The following ANKHD1 variants were observed in gnomAD, a reference collection of about 807,000 sequenced individuals.
ANKHD1 encodes the protein ankyrin repeat and KH domain-containing protein 1.
ANKHD1 carries 31 observed loss-of-function variants against 230.5 expected under a neutral mutation model. The observed-to-expected ratio is 0.13, with a 90% CI of 0.10 to 0.18. ANKHD1 has a LOEUF of 0.18. Ranked by LOEUF, ANKHD1 falls within the 10% of genes least tolerant of loss-of-function variation. The pLI is 1.00. For missense variants in ANKHD1, 2,256 were observed against 3,071.3 expected (o/e 0.73, Z 6.27); for synonymous variants, 1,074 against 1,117.6 (o/e 0.96, Z 0.78).
chr5:140,513,522 G>T (rs941938472), intron 24 of ANKHD1, 43 bp downstream of exon 24: 4 of 1,592,040 alleles, frequency 2.5e-6, no homozygotes, highest in Non-Finnish European at 1.7e-6. Context: ...ATTATTGAGG[G>T]TGGGGGCCGG....
chr5:140,427,226 C>A (rs1369510552), intron 1 of ANKHD1, among the ~76,000 whole-genome samples: 1 of 145,780 alleles, frequency 6.9e-6, no homozygotes, highest in Admixed American at 6.7e-5. Context: ...GGCGGCCGGG[C>A]AGAGGTGCCC....
chr5:140,490,722 G>A (rs1308394006), intron 14 of ANKHD1, among the ~76,000 whole-genome samples: 2 of 152,160 alleles, frequency 1.3e-5, no homozygotes, highest in Non-Finnish European at 2.9e-5. Flanking sequence ...CTGCTGCAAA[G>A]CATTTAAAAT....
intron 15 of ANKHD1, 130 bp downstream of exon 15, chr5:140,497,408 A>G: frequency 7.0e-7 from 1 of 1,419,754 alleles, no homozygotes; most frequent in Non-Finnish European, 9.2e-7. Context: ...CATTTCTCGA[A>G]GTATTTTGGA....
intron 22 of ANKHD1, among the ~76,000 whole-genome samples, chr5:140,512,209 C>T (rs1438350804): frequency 6.7e-5 from 10 of 148,338 alleles, no homozygotes; most frequent in Non-Finnish European, 8.9e-5. Flanking sequence ...GCACTCCAGC[C>T]GGGGCAACAA....
intron 10 of ANKHD1, among the ~76,000 whole-genome samples, chr5:140,481,696 G>T (rs535251298): frequency 6.6e-6 from 1 of 151,958 alleles, no homozygotes; most frequent in Admixed American, 6.6e-5. Flanking sequence ...TTAATTAGAA[G>T]AATATAGCTG....
intron 14 of ANKHD1, among the ~76,000 whole-genome samples, chr5:140,490,420 A>C (rs1479334459): frequency 1.1e-4 from 17 of 152,194 alleles, no homozygotes; most frequent in Non-Finnish European, 1.5e-5. Flanking sequence ...GGCTCCGTCC[A>C]TCTTGATTCA....
intron 7 of ANKHD1, among the ~76,000 whole-genome samples, chr5:140,458,362 T>C (rs1027427127): frequency 2.0e-5 from 3 of 152,186 alleles, no homozygotes; most frequent in African/African-American, 7.2e-5. Context: ...GTGACTGTTA[T>C]GTCACCAAGT....
In ANKHD1 at chr5:140,496,481, TTAGCATGGCACTCTTTCAAACA is replaced by T. The variant is rs1331310337; in HGVS notation, c.2246-37_2246-16del. ...CTTTTCTTTTTTTTTTTTTTTTTTT[TTAGCATGGCACTCTTTCAAACA>T]TTTTTCATGTGCTTAGGTACATCCA... On this transcript the variant is annotated splice_polypyrimidine_tract_variant and intron_variant, in intron 14 of 33. Transcript: ENST00000360839. 8.6e-7 allele frequency: 1 copy of T among 1,162,270 alleles called. No homozygotes were observed. The highest frequency in any genetic ancestry group is 1.1e-6 in the Non-Finnish European group (1 of 896,414). The allele number at this position is 1,162,270 out of a possible 1,614,324, so 72.0% of individuals were successfully genotyped here. A position where few individuals can be genotyped will look rare whatever the true frequency, so the allele number is the denominator to read the frequency against.
chr5:140,436,083 G>A (rs766036262), intron 1 of ANKHD1, 21 bp from the exon 2 acceptor site: 2 of 1,510,882 alleles, frequency 1.3e-6, no homozygotes, highest in Non-Finnish European at 8.9e-7. Flanking sequence ...CATGGATATT[G>A]CATCTTTATT....
chr5:140,478,995 T>TTTTG (rs1554090198), intron 10 of ANKHD1, among the ~76,000 whole-genome samples: 5 of 146,444 alleles, frequency 3.4e-5, no homozygotes, highest in African/African-American at 1.0e-4. Context: ...TTTTTTTAAT[T>TTTTG]TTTATTTATT....
chr5:140,469,090 C>T (rs1330560950), intron 10 of ANKHD1, among the ~76,000 whole-genome samples: 1 of 151,988 alleles, frequency 6.6e-6, no homozygotes, highest in African/African-American at 2.4e-5. Context: ...TTTCTTCTTT[C>T]TCCCCTCCTT....
Position 140,485,825 on chromosome 5 carries a change from GT to G in ANKHD1, c.2142+98del. ...AATCAGTTTTAAGCAAAATGGACTT[GT>G]TTTTATTCTCTGTTACATATTGAGA... On this transcript the variant is annotated intron_variant, in intron 13 of 33. Coordinates refer to ENST00000360839, the MANE Select transcript of ANKHD1 (RefSeq NM_017747.3). The surrounding 1 kb of genome is among the most constrained non-coding windows in gnomAD (Gnocchi z 4.8). 2.0e-5 allele frequency: 30 copies of G among 1,520,934 alleles called. No homozygotes were observed. The highest frequency in any genetic ancestry group is 2.7e-5 in the Non-Finnish European group (30 of 1,128,752). The allele number at this position is 1,520,934 out of a possible 1,614,324, so 94.2% of individuals were successfully genotyped here.
At chr5:140,406,448 A>AGTAGAC (rs889780076) in intron 1 of ANKHD1, among the ~76,000 whole-genome samples, 1 of 151,806 alleles carries the variant, frequency 6.6e-6, no homozygotes, top group Non-Finnish European at 1.5e-5. Context: ...CCCTCTAAGG[A>AGTAGAC]CCTCTTTATA....
intron 1 of ANKHD1, among the ~76,000 whole-genome samples, chr5:140,407,725 G>A (rs1303010001): frequency 1.3e-5 from 2 of 152,072 alleles, no homozygotes; most frequent in Non-Finnish European, 1.5e-5. Flanking sequence ...TTTTAGAATT[G>A]TGGTCTTTTA....
chr5:140,505,323 T>G, intron 17 of ANKHD1, 90 bp downstream of exon 17: 3 of 1,383,550 alleles, frequency 2.2e-6, no homozygotes, highest in Non-Finnish European at 3.0e-6. Context: ...CTAGACTATC[T>G]CAGTGATAAG....
intron 10 of ANKHD1, among the ~76,000 whole-genome samples, chr5:140,480,236 G>A (rs1751210528): frequency 6.6e-6 from 1 of 151,902 alleles, no homozygotes; most frequent in Non-Finnish European, 1.5e-5. Flanking sequence ...TTTATAGAGA[G>A]GAAAATAAAA....
chr5:140,449,490 C>T (rs566251397), intron 7 of ANKHD1, among the ~76,000 whole-genome samples, 185 bp downstream of exon 7: 1 of 152,170 alleles, frequency 6.6e-6, no homozygotes, highest in East Asian at 1.9e-4. Context: ...TGGTGAAACC[C>T]TGTCTCTACT....
rs531129269 is a variant in ANKHD1, at chr5:140,502,648, T to G, written c.3005-2173T>G. On this transcript the variant is annotated intron_variant, in intron 15 of 33. Coordinates refer to ENST00000360839, the MANE Select transcript of ANKHD1 (RefSeq NM_017747.3). ...ACTGTTAGAAAGGTTCTGTAACATA[T>G]TAATCTTCAGTGTCTTGTTTTTTCA... Among the ~76,000 whole-genome samples the G allele has an allele frequency of 2.0e-5, 3 of 152,304 alleles. No homozygotes were observed. In the East Asian group the frequency reaches 5.8e-4, roughly 29 times the overall value.
intron 1 of ANKHD1, among the ~76,000 whole-genome samples, chr5:140,426,549 G>C (rs1449770625): frequency 6.6e-6 from 1 of 151,230 alleles, no homozygotes; most frequent in Non-Finnish European, 1.5e-5. Context: ...GATCATTCTT[G>C]GGTGTTTCTC....
Sources: allele counts gnomAD v4.1 joint callset (sites outside exome capture counted in the v4.1 genomes callset), GRCh38; gene constraint gnomAD v4.1.1; non-coding constraint Gnocchi (gnomAD v3.1); transcripts MANE v1.5; gene names NCBI Gene and HGNC (gene_info 2026-07-23, HGNC 2026-07-21).